Variants in USH2A observed in about 807,000 individuals in gnomAD.
USH2A encodes usherin.
Under a neutral mutation model 538.9 loss-of-function variants are expected in USH2A, and 443 were observed. That is an observed-to-expected ratio of 0.82 (90% CI 0.76 to 0.89). The LOEUF is 0.89. Ranked by LOEUF, USH2A falls within the 40% of genes least tolerant of loss-of-function variation. USH2A has a pLI of 0.00. For synonymous variants in USH2A, 2,413 were observed against 2,273.5 expected, an observed-to-expected ratio of 1.06 and a Z score of -1.75; for missense variants, 6,633 against 6,324.8, an observed-to-expected ratio of 1.05 and a Z score of -1.65.
chr1:216,155,057 A>T (rs1209775287), intron 21 of USH2A, among the ~76,000 whole-genome samples: 1 of 152,182 alleles, frequency 6.6e-6, no homozygotes, highest in Non-Finnish European at 1.5e-5. Context: ...TGATTTTACA[A>T]AATTACGACA....
Position 215,996,560 on chromosome 1 carries a change from G to GTTTTTTTTTTTTTTTTTTTT in USH2A, c.6657+2307_6657+2326dup, listed in dbSNP as rs753233925. Among the ~76,000 whole-genome samples the GTTTTTTTTTTTTTTTTTTTT allele has an allele frequency of 9.7e-5, 5 of 51,696 alleles. 1 individual carries two copies. Among genetic ancestry groups the GTTTTTTTTTTTTTTTTTTTT allele is most frequent in the African/African-American group, 3.7e-4 (4 of 10,772 alleles). The allele number at this position is 51,696 out of a possible 152,430, so 33.9% of individuals were successfully genotyped here. ...TTTGTTGAGAGTAGCAACATATTAT[G>GTTTTTTTTTTTTTTTTTTTT]TTTTTTTTTTTTTTTTTTTTTTTTT... On this transcript the variant is annotated intron_variant, in intron 34 of 71. Transcript: ENST00000307340.
At chr1:215,662,504 C>CA (rs1467102956) in intron 64 of USH2A, among the ~76,000 whole-genome samples, 7 of 152,150 alleles carry the variant, frequency 4.6e-5, no homozygotes, top group Non-Finnish European at 1.0e-4. Context: ...GGAACAAGAA[C>CA]AAAAAGAATT....
chr1:216,008,188 C>T (rs1472303785), intron 32 of USH2A, among the ~76,000 whole-genome samples: 1 of 152,142 alleles, frequency 6.6e-6, no homozygotes, highest in African/African-American at 2.4e-5. Flanking sequence ...CCCCTGTGAC[C>T]TGCACGTACA....
intron 44 of USH2A, among the ~76,000 whole-genome samples, chr1:215,858,625 T>C (rs1336162637): frequency 6.6e-6 from 1 of 151,656 alleles, no homozygotes; most frequent in African/African-American, 2.4e-5. Flanking sequence ...TATTTCTTTA[T>C]AGCAATGTGA....
At chr1:216,160,666 T>C (rs1572010596) in intron 21 of USH2A, among the ~76,000 whole-genome samples, 1 of 152,162 alleles carries the variant, frequency 6.6e-6, no homozygotes, top group Admixed American at 6.6e-5. Flanking sequence ...GAAAATGTCC[T>C]ATGTGTTCCT....
At chr1:215,847,095 C>T (rs1014950643) in intron 44 of USH2A, among the ~76,000 whole-genome samples, 1 of 152,082 alleles carries the variant, frequency 6.6e-6, no homozygotes, top group African/African-American at 2.4e-5. Flanking sequence ...TTTCAAAGAC[C>T]AGTCTATTAT....
intron 22 of USH2A, among the ~76,000 whole-genome samples, chr1:216,095,312 T>C (rs895743617): frequency 6.6e-6 from 1 of 152,188 alleles, no homozygotes; most frequent in African/African-American, 2.4e-5. Flanking sequence ...AACTTAATCT[T>C]CTGACCTACT....
At chr1:216,263,351 T>C (rs1021849788) in intron 11 of USH2A, among the ~76,000 whole-genome samples, 3 of 152,118 alleles carry the variant, frequency 2.0e-5, no homozygotes, top group Non-Finnish European at 2.9e-5. Context: ...CTGATGACCA[T>C]AGTTGCAAAG....
At position 215,680,029 on chromosome 1, in the gene USH2A, T is replaced by A. The variant is rs1013707537; in HGVS notation, c.12294+120A>T. On this transcript the variant is annotated intron_variant, in intron 62 of 71. Coordinates refer to ENST00000307340, the MANE Select transcript of USH2A (RefSeq NM_206933.4). ...TATGATTAAGTGCCTGGAGGAGCTA[T>A]CAAGGAGAATTAAACAGGCTGTGAA... 9.2e-6 allele frequency: 9 copies of A among 976,150 alleles called. No homozygotes were observed. In the East Asian group the frequency reaches 9.9e-5, roughly 11 times the overall value. The allele number at this position is 976,150 out of a possible 1,614,324, so 60.5% of individuals were successfully genotyped here.
chr1:215,671,372 TA>T (rs756861779), intron 63 of USH2A, 79 bp from the exon 64 acceptor site: 6,066 of 1,128,034 alleles, frequency 5.4e-3, no homozygotes, highest in Admixed American at 5.9e-3. Flanking sequence ...CACCAGGCCT[TA>T]AAAAAAAAAG....
chr1:215,875,907 TA>T (rs1664753196), intron 43 of USH2A, among the ~76,000 whole-genome samples: 1 of 137,288 alleles, frequency 7.3e-6, no homozygotes, highest in South Asian at 2.2e-4. Flanking sequence ...AATCAATATA[TA>T]AATATATAAT....
In USH2A at chr1:216,076,522, A is replaced by AT. The variant is rs1010521865; in HGVS notation, c.5572+1566dup. 9.2e-3 allele frequency among the ~76,000 whole-genome samples: 1,368 copies of AT among 149,334 alleles called. 20 individuals are homozygous for AT. Among genetic ancestry groups the AT allele is most frequent in the African/African-American group, 0.03 (1,228 of 40,844 alleles). On this transcript the variant is annotated intron_variant, in intron 27 of 71. Coordinates refer to ENST00000307340, the MANE Select transcript of USH2A (RefSeq NM_206933.4). ...TGCAGGGTTTTTGTTTCTTGTTTTT[A>AT]TTTTTTTTTTCCCAGAAGCAAACAG...
intron 21 of USH2A, among the ~76,000 whole-genome samples, chr1:216,099,273 C>A (rs1327574130): frequency 1.3e-5 from 2 of 152,008 alleles, no homozygotes; most frequent in African/African-American, 4.8e-5. Context: ...ATGTTGTGTT[C>A]TTGCTGTCAG....
chr1:216,023,072 A>C (rs1405067329), intron 32 of USH2A, among the ~76,000 whole-genome samples: 1 of 152,168 alleles, frequency 6.6e-6, no homozygotes, highest in African/African-American at 2.4e-5. Flanking sequence ...CATCTACAGC[A>C]GGTGAGGGCA....
chr1:215,682,165 C>A (rs145328003), intron 61 of USH2A, among the ~76,000 whole-genome samples: 1 of 151,858 alleles, frequency 6.6e-6, no homozygotes, highest in African/African-American at 2.4e-5. Context: ...ATTAATAATG[C>A]AAAAAAGAAT....
At chr1:215,976,609 A>G (rs1298236283) in intron 35 of USH2A, among the ~76,000 whole-genome samples, 5 of 152,144 alleles carry the variant, frequency 3.3e-5, no homozygotes, top group Non-Finnish European at 7.4e-5. Context: ...ATGATGAATC[A>G]TGTTTTTAAA....
chr1:216,226,369 T>C (rs932628533), intron 14 of USH2A, among the ~76,000 whole-genome samples: 4 of 152,204 alleles, frequency 2.6e-5, no homozygotes, highest in Admixed American at 2.6e-4. Flanking sequence ...CATTCCAATC[T>C]TTATTTAAAG....
intron 47 of USH2A, among the ~76,000 whole-genome samples, chr1:215,834,769 C>CT (rs560404237): frequency 0.016 from 2,275 of 143,262 alleles, 62 homozygotes; most frequent in African/African-American, 0.053. Flanking sequence ...ACTTTCTTGT[C>CT]TTTTTTTTTT....
chr1:215,792,339 A>G (rs1387648936), intron 50 of USH2A, among the ~76,000 whole-genome samples: 1 of 152,200 alleles, frequency 6.6e-6, no homozygotes, highest in African/African-American at 2.4e-5. Flanking sequence ...TTTTCAGCCA[A>G]GATTTCACTC....
Sources: allele counts gnomAD v4.1 joint callset (sites outside exome capture counted in the v4.1 genomes callset), GRCh38; gene constraint gnomAD v4.1.1; transcripts MANE v1.5; gene names NCBI Gene and HGNC (gene_info 2026-07-23, HGNC 2026-07-21).